The following AGBL4 variants were observed in gnomAD, a reference collection of about 807,000 sequenced individuals.
AGBL4 encodes cytosolic carboxypeptidase 6.
Under a neutral mutation model 66.4 loss-of-function variants are expected in AGBL4, and 58 were observed. The observed-to-expected ratio is 0.87, with a 90% confidence interval of 0.71 to 1.09. AGBL4 has a LOEUF of 1.09. Among genes scored for constraint, AGBL4 ranks in the 50% least tolerant of loss-of-function variants. The pLI is 0.00. For missense variants in AGBL4, 579 were observed against 631.0 expected, an observed-to-expected ratio of 0.92 and a Z score of 0.88; for synonymous variants, 234 against 222.9, an observed-to-expected ratio of 1.05 and a Z score of -0.44.
intron 4 of AGBL4, among the ~76,000 whole-genome samples, chr1:49,123,729 A>G (rs1360888787): frequency 6.6e-6 from 1 of 152,214 alleles, no homozygotes; most frequent in Non-Finnish European, 1.5e-5. Context: ...CTCAGTGTCA[A>G]TAAAAGCTGT....
chr1:49,630,828 G>T (rs1308938482), intron 3 of AGBL4, among the ~76,000 whole-genome samples: 1 of 152,138 alleles, frequency 6.6e-6, no homozygotes, highest in Admixed American at 6.5e-5. Flanking sequence ...TGATAGGAGA[G>T]GTAGTCAAAG....
intron 3 of AGBL4, among the ~76,000 whole-genome samples, chr1:49,530,250 T>C: frequency 2.6e-5 from 1 of 38,474 alleles, no homozygotes; most frequent in African/African-American, 9.5e-5. Context: ...TGTTTTCAAG[T>C]AGAATTTGTA....
chr1:48,757,908 C>T (rs1466217424), intron 6 of AGBL4, among the ~76,000 whole-genome samples: 1 of 152,166 alleles, frequency 6.6e-6, no homozygotes, highest in Non-Finnish European at 1.5e-5. Context: ...AGGCAAAGAA[C>T]TTGTGTTATA....
At chr1:48,579,629 G>A (rs192933552) in intron 11 of AGBL4, among the ~76,000 whole-genome samples, 24 of 150,862 alleles carry the variant, frequency 1.6e-4, no homozygotes, top group African/African-American at 2.7e-4. Context: ...TACTCAATCC[G>A]GCCAGGCATG....
At chr1:48,627,092 T>C (rs1645515504) in intron 9 of AGBL4, among the ~76,000 whole-genome samples, 1 of 152,112 alleles carries the variant, frequency 6.6e-6, no homozygotes, top group African/African-American at 2.4e-5. Flanking sequence ...GACTCTCCTC[T>C]GGGCCAATGG....
intron 3 of AGBL4, among the ~76,000 whole-genome samples, chr1:49,480,002 C>T (rs984835436): frequency 6.6e-6 from 1 of 151,986 alleles, no homozygotes; most frequent in Non-Finnish European, 1.5e-5. Context: ...CCACGGCGCC[C>T]GGCTCACATT....
intron 2 of AGBL4, among the ~76,000 whole-genome samples, chr1:49,754,213 AC>A (rs1212745372): frequency 2.0e-5 from 3 of 148,806 alleles, no homozygotes; most frequent in African/African-American, 7.4e-5. Context: ...TGATTTATCT[AC>A]CTTTGGTCTT....
rs994546118 is a variant in AGBL4 at position 49,391,812 on chromosome 1, T to C, written c.283-145948A>G. Among the ~76,000 whole-genome samples the C allele has an allele frequency of 5.9e-5, 9 of 152,086 alleles. 1 individual carries two copies. The highest frequency in any genetic ancestry group is 3.9e-4 in the East Asian group (2 of 5,152). ...TCCTGACCTCGTGATCTGCCCACCT[T>C]GGCCTCCCAAAGTGCTGGGATTACA... is the stretch of plus-strand genomic sequence containing the variant. On this transcript the variant is annotated intron_variant, in intron 3 of 13. Transcript: ENST00000371839.
Position 48,939,851 on chromosome 1 carries a change from A to AT in AGBL4, c.595-72622dup, listed in dbSNP as rs539795074. Among the ~76,000 whole-genome samples, 32 of 152,316 alleles carry AT rather than the reference A, an allele frequency of 2.1e-4. No homozygotes were observed. In the South Asian group the frequency reaches 6.4e-3, roughly 31 times the overall value. On this transcript the variant is annotated intron_variant, in intron 5 of 13. Coordinates refer to ENST00000371839, the MANE Select transcript of AGBL4 (RefSeq NM_032785.4). ...ATTTAGTGATTCTAAACCAGGGATA[A>AT]TTTTAACCCACAGCGGACATCTGAT...
chr1:49,504,067 G>C (rs1161530005), intron 3 of AGBL4, among the ~76,000 whole-genome samples: 1 of 152,078 alleles, frequency 6.6e-6, no homozygotes, highest in Non-Finnish European at 1.5e-5. Context: ...CAAATCAAGG[G>C]TGGGACAAGG....
At chr1:48,649,129 T>C (rs1645885413) in intron 8 of AGBL4, among the ~76,000 whole-genome samples, 1 of 152,218 alleles carries the variant, frequency 6.6e-6, no homozygotes, top group Non-Finnish European at 1.5e-5. Flanking sequence ...AAGTCCTGAC[T>C]TCACGGAGTT....
At chr1:48,633,008 T>C (rs1185551270) in intron 9 of AGBL4, among the ~76,000 whole-genome samples, 2 of 152,224 alleles carry the variant, frequency 1.3e-5, no homozygotes, top group East Asian at 3.8e-4. Flanking sequence ...ACCACAATCA[T>C]TCTATCTCTG....
intron 1 of AGBL4, among the ~76,000 whole-genome samples, chr1:49,936,992 T>C (rs952303640): frequency 3.3e-5 from 5 of 152,084 alleles, no homozygotes; most frequent in Non-Finnish European, 5.9e-5. Context: ...CATAACAATA[T>C]TAACTTTAAA....
intron 3 of AGBL4, among the ~76,000 whole-genome samples, chr1:49,377,306 A>G (rs1644491414): frequency 6.6e-6 from 1 of 152,106 alleles, no homozygotes; most frequent in African/African-American, 2.4e-5. Context: ...CATTAGTGGC[A>G]TTGAAATAAT....
chr1:49,204,442 GA>G lies in AGBL4; in HGVS notation c.377+41327del, dbSNP rs951251187. ...TGCAGCACTACACCTGGCTAGTTAA[GA>G]AAAAAAAAAATTGTTTTGTAAAGAT... On this transcript the variant is annotated intron_variant, in intron 4 of 13. Transcript: ENST00000371839. Among the ~76,000 whole-genome samples, 702 of 146,802 alleles carry G rather than the reference GA, an allele frequency of 4.8e-3. 2 individuals carry two copies. The highest frequency in any genetic ancestry group is 0.013 in the African/African-American group (539 of 40,172).
intron 8 of AGBL4, chr1:48,647,705 C>A: frequency 2.5e-6 from 1 of 397,678 alleles, no homozygotes; most frequent in South Asian, 1.8e-5. Context: ...TACCTATGCT[C>A]AGAAAGCGCC....
At chr1:49,729,135 C>A (rs531692094) in intron 2 of AGBL4, among the ~76,000 whole-genome samples, 2 of 152,280 alleles carry the variant, frequency 1.3e-5, no homozygotes, top group East Asian at 3.9e-4. Flanking sequence ...CAGAGGCAAT[C>A]TTTGTCTTTT....
intron 1 of AGBL4, among the ~76,000 whole-genome samples, chr1:49,871,424 T>C (rs1207565566): frequency 6.6e-6 from 1 of 152,054 alleles, no homozygotes; most frequent in Non-Finnish European, 1.5e-5. Context: ...AATCTTAGAG[T>C]TATCACTTTG....
intron 4 of AGBL4, among the ~76,000 whole-genome samples, chr1:49,241,813 T>TA (rs1440060301): frequency 6.6e-6 from 1 of 152,130 alleles, no homozygotes; most frequent in African/African-American, 2.4e-5. Context: ...CTTCAGACTT[T>TA]AAAAAGTATT....
Sources: allele counts gnomAD v4.1 joint callset (sites outside exome capture counted in the v4.1 genomes callset), GRCh38; gene constraint gnomAD v4.1.1; transcripts MANE v1.5; gene names NCBI Gene and HGNC (gene_info 2026-07-23, HGNC 2026-07-21).